The following CDC42BPB variants were observed in gnomAD, a reference collection of about 807,000 sequenced individuals.
CDC42BPB encodes serine/threonine-protein kinase MRCK beta.
In CDC42BPB, 37 loss-of-function variants were observed where a neutral mutation model predicts 214.9. The observed-to-expected ratio is 0.17, with a 90% CI of 0.13 to 0.23. CDC42BPB has a LOEUF of 0.23. Ranked by LOEUF, CDC42BPB falls within the 10% of genes least tolerant of loss-of-function variation. The pLI is 1.00. For missense variants in CDC42BPB, 1,694 were observed against 2,227.0 expected, an observed-to-expected ratio of 0.76 and a Z score of 4.82; for synonymous variants, 931 against 884.0, an observed-to-expected ratio of 1.05 and a Z score of -0.94.
intron 1 of CDC42BPB, among the ~76,000 whole-genome samples, chr14:103,013,028 C>T (rs1395831180): frequency 1.3e-5 from 2 of 152,180 alleles, no homozygotes; most frequent in African/African-American, 4.8e-5. Context: ...CAGGAGGTAT[C>T]CCCATCGTTA....
intron 15 of CDC42BPB, 37 bp downstream of exon 15, chr14:102,968,435 T>C: frequency 1.2e-6 from 2 of 1,613,486 alleles, no homozygotes; most frequent in Non-Finnish European, 1.7e-6. Context: ...GGGTATCAGC[T>C]TGCATCTTCT....
intron 13 of CDC42BPB, chr14:102,970,542 A>AAATTT: frequency 4.9e-6 from 1 of 203,292 alleles, no homozygotes; most frequent in Non-Finnish European, 8.7e-6. Context: ...CTGATTCGTG[A>AAATTT]AAACCAGTAC....
intron 1 of CDC42BPB, among the ~76,000 whole-genome samples, chr14:103,032,841 C>A (rs151258677): frequency 5.3e-5 from 8 of 150,278 alleles, no homozygotes; most frequent in South Asian, 4.2e-4. Flanking sequence ...CCAGGCTGGT[C>A]TCGAACTCCT....
chr14:102,938,343 T>C lies in CDC42BPB; in HGVS notation c.4896A>G (p.Pro1632=). 6.2e-7 allele frequency: 1 copy of C among 1,602,078 alleles called. No homozygotes were observed. The highest frequency in any genetic ancestry group is 8.5e-7 in the Non-Finnish European group (1 of 1,175,028). Residue 1632 remains proline (P), a synonymous_variant, in exon 35 of 37, where the codon CCA becomes CCG. Transcript: ENST00000361246. The stretch of plus-strand genomic sequence containing the variant: ...ACGAGATGTAGGGCTTGTTCCTGGA[T>C]GGAGGCTGGCGAGCCAGGTTGGTGG... ...PAPTNLARQP[P]SRNKPYISWP...
chr14:102,961,358 G>A (rs1595469353), intron 20 of CDC42BPB, among the ~76,000 whole-genome samples: 1 of 150,770 alleles, frequency 6.6e-6, no homozygotes, highest in African/African-American at 2.4e-5. Flanking sequence ...CTTGACAGAC[G>A]GAATCTGGCT....
rs771452351 is a variant in CDC42BPB at position 102,974,051 on chromosome 14, G to A, written c.1606C>T (p.Arg536Cys). 2.1e-5 allele frequency: 34 copies of A among 1,613,148 alleles called. No homozygotes were observed. Among genetic ancestry groups the A allele is most frequent in the East Asian group, 1.3e-4 (6 of 44,854 alleles). Residue 536 changes from arginine (R) to cysteine (C), a missense_variant, in exon 12 of 37, where the codon CGC (arginine) becomes TGC (cysteine). Physicochemically the swap from Arg to Cys is radical, Grantham distance 180. Around this residue, in one of 7 missense-constraint regions of CDC42BPB, gnomAD observed 462 missense variants for 513.5 expected, o/e 0.90. Transcript: ENST00000361246. ...TCCTCCTTCTCCTGCCGGACCACGC[G>A]GTGCTGCTTCTCCAGCCCCCGCAGC... ...QRLRGLEKQH[R>C]VVRQEKEELH... is the part of the protein sequence containing the mutation.
At chr14:103,055,457 G>A (rs776473184) in intron 1 of CDC42BPB, among the ~76,000 whole-genome samples, 1 of 152,310 alleles carries the variant, frequency 6.6e-6, no homozygotes, top group Middle Eastern at 3.4e-3. Context: ...AAAATATTCA[G>A]ATTTTAACAT....
chr14:103,047,479 C>G (rs1217442465), intron 1 of CDC42BPB, among the ~76,000 whole-genome samples: 1 of 152,114 alleles, frequency 6.6e-6, no homozygotes, highest in Non-Finnish European at 1.5e-5. Flanking sequence ...CCATCGTGGT[C>G]TCCGACTTCT....
chr14:103,054,589 A>C (rs17101226), intron 1 of CDC42BPB, among the ~76,000 whole-genome samples: 5,219 of 152,362 alleles, frequency 0.034, 294 homozygotes, highest in Admixed American at 0.14. Flanking sequence ...ACACATGTTA[A>C]CTAGAAATAC....
At chr14:102,941,383 G>C (rs1891882056) in intron 30 of CDC42BPB, 3 of 985,480 alleles carry the variant, frequency 3.0e-6, no homozygotes, top group Non-Finnish European at 3.6e-6. Context: ...CAGGCTACAA[G>C]ATCAGGACTT....
At chr14:103,047,265 C>G (rs1464513886) in intron 1 of CDC42BPB, among the ~76,000 whole-genome samples, 3 of 114,540 alleles carry the variant, frequency 2.6e-5, no homozygotes, top group African/African-American at 1.1e-4. Context: ...GCCAGGGCAA[C>G]AGAGTAATAC....
chr14:103,057,497 C>T lies in CDC42BPB; in HGVS notation c.-324G>A, dbSNP rs937380585. 5.6e-6 allele frequency: 1 copy of T among 177,218 alleles called. No homozygotes were observed. The highest frequency in any genetic ancestry group is 2.4e-5 in the African/African-American group (1 of 41,262). The allele number at this position is 177,218 out of a possible 1,614,324, so 11.0% of individuals were successfully genotyped here. A position where few individuals can be genotyped will look rare whatever the true frequency, so the allele number is the denominator to read the frequency against. ...CCCTCCCCGCCGCCGCCGCCGCAGA[C>T]TAGGAGCGGCGAGGAGCCTAGCGCT... is the stretch of plus-strand genomic sequence containing the variant. On this transcript the variant is annotated 5_prime_UTR_variant, in exon 1 of 37. Transcript: ENST00000361246.
At position 102,968,585 on chromosome 14, in the gene CDC42BPB, C is replaced by T. The variant is rs1893329537; in HGVS notation, c.2127G>A (p.Val709=). 1 of 1,614,066 alleles carries T rather than the reference C, an allele frequency of 6.2e-7. No homozygotes were observed. The highest frequency in any genetic ancestry group is 1.3e-5 in the African/African-American group (1 of 74,926). The stretch of plus-strand genomic sequence containing the variant: ...CCTTCTTCACATTTTTCACTTCTAG[C>T]ACATGGGAGGCCTCACGTCTGACCA... ...EELVRREASH[V]LEVKNVKKEV... Residue 709 remains valine, a synonymous_variant, in exon 15 of 37, where the codon GTG becomes GTA. Coordinates refer to ENST00000361246, the MANE Select transcript of CDC42BPB (RefSeq NM_006035.4).
chr14:102,995,814 C>A (rs984908346), intron 5 of CDC42BPB, among the ~76,000 whole-genome samples: 6 of 152,204 alleles, frequency 3.9e-5, no homozygotes, highest in Non-Finnish European at 7.3e-5. Flanking sequence ...CGGCCAGCGG[C>A]ACCACTCTGG....
intron 2 of CDC42BPB, among the ~76,000 whole-genome samples, chr14:103,010,715 T>A (rs1007298191): frequency 2.0e-5 from 3 of 152,112 alleles, no homozygotes; most frequent in African/African-American, 7.2e-5. Context: ...TCAGCATAGG[T>A]GCTAAGGCAC....
rs543495476 is a variant in CDC42BPB at position 103,032,424 on chromosome 14, T to C, written c.176-20236A>G. ...CCCACAAAATATACTGGGCCAATAG[T>C]ATAGGAATGATCTGTCAAATGCCAA... On this transcript the variant is annotated intron_variant, in intron 1 of 36. Transcript: ENST00000361246. 2.7e-5 allele frequency among the ~76,000 whole-genome samples: 4 copies of C among 150,472 alleles called. No individual in the cohort carries two copies. In the South Asian group the frequency reaches 8.3e-4, roughly 31 times the overall value.
In CDC42BPB at chr14:102,939,701, CT is replaced by C; in HGVS notation, c.4735del (p.Arg1579AspfsTer4). ...RREMLRDPELRSKMISNPTNF... is the reference protein window; with the variant it reads ...RREMLRDPELXSKMISNPTNF... ...GGTTGGGTTGGATATCATTTTGGATCTCAATTCTGGGTCTCTAAGCATCTCT... is the reference window on the plus strand; with the variant it reads ...GGTTGGGTTGGATATCATTTTGGATCCAATTCTGGGTCTCTAAGCATCTCT... On this transcript the variant is annotated frameshift_variant, in exon 34 of 37. Transcript: ENST00000361246. LOFTEE classifies it high-confidence loss of function. The C allele has an allele frequency of 6.2e-7, 1 of 1,614,206 alleles. No homozygotes were observed. Among genetic ancestry groups the C allele is most frequent in the Non-Finnish European group, 8.5e-7 (1 of 1,180,054 alleles).
In CDC42BPB at chr14:102,947,733, T is replaced by C. The variant is rs1316255243; in HGVS notation, c.3519A>G (p.Pro1173=). ...DVIHATRRDI[P]CIFRVTASLL... ...GAAAAATTCATACCCTGAATATACA[T>C]GGAATATCTCGGCGTGTAGCATGAA... The change falls in exon 27 of 37, where the codon CCA becomes CCG. Residue 1173 remains proline, a synonymous_variant. Transcript: ENST00000361246. 1.2e-6 allele frequency: 2 copies of C among 1,611,384 alleles called. No homozygotes were observed. Among genetic ancestry groups the C allele is most frequent in the African/African-American group, 1.3e-5 (1 of 74,996 alleles).
chr14:103,009,425 A>C (rs1214676973), intron 2 of CDC42BPB, among the ~76,000 whole-genome samples: 3 of 152,176 alleles, frequency 2.0e-5, no homozygotes, highest in African/African-American at 4.8e-5. Context: ...TCTTGTACAG[A>C]TATGGACTCT....
Sources: gnomAD v4.1 joint callset for allele counts (sites outside exome capture counted in the v4.1 genomes callset) on GRCh38, gnomAD v4.1.1 for gene constraint, gnomAD v4.1.1 regional missense constraint, MANE v1.5 for transcripts, NCBI Gene and HGNC (gene_info 2026-07-23, HGNC 2026-07-21) for gene names.